Variants in SP100 observed in about 807,000 individuals in gnomAD.
SP100 encodes SP100 nuclear body protein, also known as nuclear autoantigen Sp-100.
A neutral mutation model predicts 130.0 loss-of-function variants in SP100; 84 were observed. The observed-to-expected ratio is 0.65, with a 90% confidence interval of 0.54 to 0.77. The LOEUF (loss-of-function observed/expected upper bound fraction) is 0.77. Among genes scored for constraint, SP100 ranks in the 30% least tolerant of loss-of-function variants. SP100 has a pLI of 0.00. For synonymous variants in SP100, 331 were observed against 351.7 expected (o/e 0.94, Z 0.66); for missense variants, 978 against 1,052.2 (o/e 0.93, Z 0.97).
chr2:230,521,332 T>C (rs369699031), intron 24 of SP100, among the ~76,000 whole-genome samples: 2 of 152,270 alleles, frequency 1.3e-5, no homozygotes, highest in East Asian at 1.9e-4. Context: ...AAACCAACCA[T>C]CAGGCCTCTA....
chr2:230,499,841 A>G (rs961275337), intron 19 of SP100, among the ~76,000 whole-genome samples: 1 of 151,900 alleles, frequency 6.6e-6, no homozygotes, highest in Admixed American at 6.6e-5. Flanking sequence ...TCCTGCTTAG[A>G]TGTCTTTAAA....
intron 15 of SP100, chr2:230,470,546 TG>T (rs2065215810): frequency 5.4e-6 from 2 of 372,452 alleles, no homozygotes; most frequent in Non-Finnish European, 7.4e-6. Context: ...GTATAGTTTT[TG>T]GTAGATGTCC....
At chr2:230,427,449 C>G (rs1401915348) in intron 2 of SP100, among the ~76,000 whole-genome samples, 1 of 152,152 alleles carries the variant, frequency 6.6e-6, no homozygotes, top group Admixed American at 6.5e-5. Flanking sequence ...GTGTGAGCCA[C>G]TGCGCCCAAC....
At chr2:230,510,470 T>A (rs1690491888) in intron 23 of SP100, 1 of 133,826 alleles carries the variant, frequency 7.5e-6, no homozygotes, top group Non-Finnish European at 1.5e-5. Flanking sequence ...GGAATGACAC[T>A]TCCTTTTTTT....
At chr2:230,419,729 A>T (rs895398875) in intron 2 of SP100, among the ~76,000 whole-genome samples, 1 of 152,272 alleles carries the variant, frequency 6.6e-6, no homozygotes, top group African/African-American at 2.4e-5. Flanking sequence ...ATTGTGCCTA[A>T]TTTATGTACA....
chr2:230,542,913 G>A lies in SP100; in HGVS notation c.2625G>A (p.Gln875=), dbSNP rs1004629093. 1 of 1,606,434 alleles carries A rather than the reference G, an allele frequency of 6.2e-7. No individual in the cohort carries two copies. Among genetic ancestry groups the A allele is most frequent in the African/African-American group, 1.3e-5 (1 of 74,790 alleles). The change falls in exon 29 of 29, where the codon CAG becomes CAA. Residue 875 remains glutamine, a synonymous_variant. Transcript: ENST00000340126. ...ATTTCAGAAACATTTTTGCAATTCA[G>A]GAAACAAGCAAGAACATTATAATGT... ...EKNFRNIFAI[Q]ETSKNIIMFI
chr2:230,446,874 G>T lies in SP100; in HGVS notation c.495G>T (p.Arg165Ser). The T allele has an allele frequency of 1.2e-6, 2 of 1,611,156 alleles. No individual in the cohort carries two copies. The highest frequency in any genetic ancestry group is 1.7e-6 in the Non-Finnish European group (2 of 1,177,670). ...GTGAAGAAGAAGAGAGGGAGGAGAG[G>T]TCTGGCCTCCAACTAAGTCTTGAAC... is the stretch of plus-strand genomic sequence containing the variant. ...QESEEEEREE[R>S]SGLQLSLEQG... The change falls in exon 5 of 29, where the codon AGG (arginine) becomes AGT (serine). Residue 165 changes from arginine to serine, a missense_variant. By Grantham distance (110) the Arg-to-Ser change is moderately radical. Coordinates refer to ENST00000340126, the MANE Select transcript of SP100 (RefSeq NM_001080391.2).
chr2:230,513,518 T>TAA (rs34365039), intron 24 of SP100, among the ~76,000 whole-genome samples: 1 of 148,306 alleles, frequency 6.7e-6, no homozygotes, highest in Non-Finnish European at 1.5e-5. Flanking sequence ...CCTTTTTGAT[T>TAA]AAAAAAAAAA....
At position 230,506,405 on chromosome 2, in the gene SP100, G is replaced by A; in HGVS notation, c.1973G>A (p.Ser658Asn). ...GGAGCATCCAAGAACTGGAAGCTAA[G>A]TATACGCTGCGGTGGATATACCCTG... ...DRGASKNWKLSIRCGGYTLKV... is the reference protein window; with the variant it reads ...DRGASKNWKLNIRCGGYTLKV... The change falls in exon 22 of 29, where the codon AGT becomes AAT. Residue 658 changes from serine (S) to asparagine (N), a missense_variant. Ser to Asn is a conservative substitution (Grantham distance 46, BLOSUM62 1). Coordinates refer to ENST00000340126, the MANE Select transcript of SP100 (RefSeq NM_001080391.2). The A allele has an allele frequency of 6.2e-7, 1 of 1,613,952 alleles. No homozygotes were observed. Among genetic ancestry groups the A allele is most frequent in the South Asian group, 1.1e-5 (1 of 91,072 alleles).
chr2:230,453,700 T>C (rs567372898), intron 8 of SP100, among the ~76,000 whole-genome samples: 1 of 152,186 alleles, frequency 6.6e-6, no homozygotes, highest in Non-Finnish European at 1.5e-5. Context: ...CTGAATTTGA[T>C]AGTATTTTAT....
At chr2:230,471,675 G>T (rs899690285) in intron 15 of SP100, among the ~76,000 whole-genome samples, 1 of 151,864 alleles carries the variant, frequency 6.6e-6, no homozygotes, top group Non-Finnish European at 1.5e-5. Flanking sequence ...GCACAGACTC[G>T]GGCTGCTTGC....
chr2:230,482,398 A>G (rs942087178), intron 17 of SP100, among the ~76,000 whole-genome samples: 3 of 152,122 alleles, frequency 2.0e-5, no homozygotes, highest in African/African-American at 4.8e-5. Flanking sequence ...GACCAGCCCA[A>G]TTGGCTTCCC....
chr2:230,515,664 C>G (rs767527624), intron 24 of SP100: 12 of 1,584,830 alleles, frequency 7.6e-6, no homozygotes, highest in Non-Finnish European at 1.0e-5. Context: ...CAGTTTTTTT[C>G]TTGTCTATAA....
Position 230,450,233 on chromosome 2 carries a change from C to T in SP100, c.798C>T (p.Cys266=). The T allele has an allele frequency of 6.2e-7, 1 of 1,613,264 alleles. No homozygotes were observed. Among genetic ancestry groups the T allele is most frequent in the Non-Finnish European group, 8.5e-7 (1 of 1,179,364 alleles). The change falls in exon 8 of 29, where the codon TGC becomes TGT. Residue 266 remains cysteine, a synonymous_variant. Coordinates refer to ENST00000340126, the MANE Select transcript of SP100 (RefSeq NM_001080391.2). ...NNGDAGREMP[C]PLPCDEESPE... ...GGGATGCTGGAAGGGAGATGCCCTGCCCGTTGCCCTGTGATGAAGAAAGTA... is the reference window on the plus strand; with the variant it reads ...GGGATGCTGGAAGGGAGATGCCCTGTCCGTTGCCCTGTGATGAAGAAAGTA...
chr2:230,439,231 T>A (rs1222014680), intron 2 of SP100, among the ~76,000 whole-genome samples: 1 of 152,162 alleles, frequency 6.6e-6, no homozygotes, highest in East Asian at 1.9e-4. Context: ...TTTGTTTGAG[T>A]TATTTATAGA....
chr2:230,422,721 C>T (rs1173418344), intron 2 of SP100, among the ~76,000 whole-genome samples: 4 of 152,126 alleles, frequency 2.6e-5, no homozygotes, highest in Non-Finnish European at 5.9e-5. Flanking sequence ...TCAGAAGGAA[C>T]ACAGATGAAT....
chr2:230,458,429 G>T (rs547801992), intron 8 of SP100, among the ~76,000 whole-genome samples: 26 of 152,270 alleles, frequency 1.7e-4, no homozygotes, highest in African/African-American at 5.8e-4. Flanking sequence ...GCTGTCTGAG[G>T]GGTGGCAGAG....
intron 24 of SP100, among the ~76,000 whole-genome samples, chr2:230,521,839 G>A (rs537820042): frequency 3.9e-5 from 6 of 152,166 alleles, no homozygotes; most frequent in Admixed American, 3.9e-4. Flanking sequence ...ATTCCTGATT[G>A]CCTAGGAAGA....
intron 8 of SP100, among the ~76,000 whole-genome samples, chr2:230,456,249 T>C (rs1241718093): frequency 6.6e-6 from 1 of 152,238 alleles, no homozygotes; most frequent in African/African-American, 2.4e-5. Flanking sequence ...TCTCCTTATC[T>C]GTAAGGTTTG....
Sources: allele counts gnomAD v4.1 joint callset (sites outside exome capture counted in the v4.1 genomes callset), GRCh38; gene constraint gnomAD v4.1.1; transcripts MANE v1.5; gene names NCBI Gene and HGNC (gene_info 2026-07-23, HGNC 2026-07-21).